Variants in STK32B observed in about 807,000 individuals in gnomAD.
STK32B encodes the protein serine/threonine-protein kinase 32B.
A neutral mutation model predicts 52.6 loss-of-function variants in STK32B; 43 were observed. The observed-to-expected ratio is 0.82, with a 90% CI of 0.64 to 1.05. The LOEUF (loss-of-function observed/expected upper bound fraction) is 1.05. Ranked by LOEUF, STK32B falls within the 50% of genes least tolerant of loss-of-function variation. The pLI is 0.00. For missense variants in STK32B, 621 were observed against 534.6 expected (o/e 1.16, Z -1.59); for synonymous variants, 238 against 204.3 (o/e 1.17, Z -1.41).
chr4:5,143,396 T>G (rs1295206431), intron 2 of STK32B, among the ~76,000 whole-genome samples: 1 of 152,182 alleles, frequency 6.6e-6, no homozygotes, highest in African/African-American at 2.4e-5. Flanking sequence ...CAGGTGCCAC[T>G]TTGGATCCTG....
chr4:5,336,437 G>A (rs950987828), intron 4 of STK32B, among the ~76,000 whole-genome samples: 3 of 151,944 alleles, frequency 2.0e-5, no homozygotes, highest in African/African-American at 4.8e-5. Flanking sequence ...TCCGAGCAAC[G>A]AAATAGAAAA....
chr4:5,203,052 C>T (rs984175520), intron 3 of STK32B, among the ~76,000 whole-genome samples: 1 of 152,222 alleles, frequency 6.6e-6, no homozygotes, highest in East Asian at 1.9e-4. Flanking sequence ...AGCTCTTCAT[C>T]TTGGAAGCTT....
chr4:5,386,031 C>G lies in STK32B; in HGVS notation c.435-12176C>G, dbSNP rs1298039352. On this transcript the variant is annotated intron_variant, in intron 4 of 11. Coordinates refer to ENST00000282908, the MANE Select transcript of STK32B (RefSeq NM_018401.3). This position sits in a 1 kb window ranked among gnomAD's most constrained non-coding sequence, Gnocchi z 4.5. ...CCCACGGCTCCACTCACAGCCCCTA[C>G]CCAGAGCCCCCACCCACACCCACAG... 7.5e-6 allele frequency among the ~76,000 whole-genome samples: 1 copy of G among 132,572 alleles called. No individual in the cohort carries two copies. The highest frequency in any genetic ancestry group is 2.8e-5 in the African/African-American group (1 of 35,998). 87.0% of individuals were successfully genotyped at this position (132,572 alleles called of 152,430 possible).
intron 7 of STK32B, among the ~76,000 whole-genome samples, chr4:5,451,375 G>C (rs1013415765): frequency 6.6e-6 from 1 of 152,198 alleles, no homozygotes; most frequent in Non-Finnish European, 1.5e-5. Context: ...AGGATAGTGA[G>C]GGGACAGTCT....
At chr4:5,423,176 C>A (rs142466118) in intron 6 of STK32B, among the ~76,000 whole-genome samples, 147 of 152,126 alleles carry the variant, frequency 9.7e-4, no homozygotes, top group African/African-American at 3.5e-3. Flanking sequence ...TTGGAGAAAC[C>A]GATGAGTAAC....
intron 3 of STK32B, among the ~76,000 whole-genome samples, chr4:5,179,301 T>A (rs1306609986): frequency 6.6e-6 from 1 of 152,170 alleles, no homozygotes; most frequent in Non-Finnish European, 1.5e-5. Flanking sequence ...TACATCCCAC[T>A]GGGTTCCTCC....
chr4:5,474,161 T>G (rs541179527), intron 11 of STK32B, among the ~76,000 whole-genome samples: 1 of 152,220 alleles, frequency 6.6e-6, no homozygotes, highest in Non-Finnish European at 1.5e-5. Flanking sequence ...TCTGCTTAGG[T>G]GGCCTCCCTG....
chr4:5,350,587 C>T (rs1577381792), intron 4 of STK32B, among the ~76,000 whole-genome samples: 1 of 151,992 alleles, frequency 6.6e-6, no homozygotes, highest in African/African-American at 2.4e-5. Context: ...AAAGGATATA[C>T]AAAATAACTA....
At chr4:5,125,096 C>G (rs1328313031) in intron 1 of STK32B, among the ~76,000 whole-genome samples, 1 of 152,158 alleles carries the variant, frequency 6.6e-6, no homozygotes, top group Non-Finnish European at 1.5e-5. Flanking sequence ...AGCAAAGACA[C>G]AGGGACCTTA....
intron 2 of STK32B, among the ~76,000 whole-genome samples, chr4:5,155,038 A>G (rs948490291): frequency 6.6e-6 from 1 of 152,152 alleles, no homozygotes; most frequent in Non-Finnish European, 1.5e-5. Flanking sequence ...CTTCCTGCTC[A>G]TTCTGTTCCA....
chr4:5,315,744 G>A (rs1443002504), intron 3 of STK32B, among the ~76,000 whole-genome samples: 1 of 147,994 alleles, frequency 6.8e-6, no homozygotes, highest in Non-Finnish European at 1.5e-5. Flanking sequence ...AGACTCCAGT[G>A]CCCAGGCTGG....
intron 4 of STK32B, among the ~76,000 whole-genome samples, chr4:5,338,598 A>C (rs918408878): frequency 6.6e-6 from 1 of 152,222 alleles, no homozygotes; most frequent in Admixed American, 6.5e-5. Context: ...CATTGGTGAG[A>C]TAAATGCCGA....
intron 1 of STK32B, among the ~76,000 whole-genome samples, chr4:5,088,198 C>G (rs1712843339): frequency 6.6e-6 from 1 of 152,028 alleles, no homozygotes; most frequent in Non-Finnish European, 1.5e-5. Flanking sequence ...ATAACCAAAA[C>G]TAGAAAATAG....
intron 3 of STK32B, among the ~76,000 whole-genome samples, chr4:5,267,969 T>G (rs1357254716): frequency 6.6e-6 from 1 of 152,140 alleles, no homozygotes; most frequent in Non-Finnish European, 1.5e-5. Flanking sequence ...CCAGCGATGC[T>G]TGGGGCATGC....
At chr4:5,095,330 A>T (rs1713323583) in intron 1 of STK32B, among the ~76,000 whole-genome samples, 1 of 152,130 alleles carries the variant, frequency 6.6e-6, no homozygotes, top group Non-Finnish European at 1.5e-5. Flanking sequence ...AATGTAACGG[A>T]GAGGCCAGGT....
At position 5,500,169 on chromosome 4, in the gene STK32B, A is replaced by G. The variant is rs1051237399; in HGVS notation, c.*1086A>G. On this transcript the variant is annotated 3_prime_UTR_variant, in exon 12 of 12. Transcript: ENST00000282908. The stretch of plus-strand genomic sequence containing the variant: ...ATGTTGGGATGAGCAGGGAAAGCTT[A>G]GACTTTGGAGTCAGGTTTGTGTTCA... 1 of 152,226 alleles carries G rather than the reference A, an allele frequency of 6.6e-6. No individual in the cohort carries two copies. The highest frequency in any genetic ancestry group is 2.4e-5 in the African/African-American group (1 of 41,452). 9.4% of individuals were successfully genotyped at this position (152,226 alleles called of 1,614,324 possible).
At chr4:5,200,035 A>G (rs1722007483) in intron 3 of STK32B, among the ~76,000 whole-genome samples, 1 of 152,156 alleles carries the variant, frequency 6.6e-6, no homozygotes, top group Non-Finnish European at 1.5e-5. Flanking sequence ...CAAAGGCCCC[A>G]CCACAGGCAG....
chr4:5,028,409 A>G, the STK32B span, among the ~76,000 whole-genome samples: 1 of 152,194 alleles, frequency 6.6e-6, no homozygotes, highest in East Asian at 1.9e-4. Flanking sequence ...CCAGGCCAGG[A>G]TTGAGTTTCC....
intron 3 of STK32B, among the ~76,000 whole-genome samples, chr4:5,290,349 A>G (rs1465959715): frequency 6.6e-6 from 1 of 152,198 alleles, no homozygotes; most frequent in African/African-American, 2.4e-5. Context: ...ACAGCTAAAC[A>G]AAAATGTTTT....
Sources: allele counts gnomAD v4.1 joint callset (sites outside exome capture counted in the v4.1 genomes callset), GRCh38; gene constraint gnomAD v4.1.1; non-coding constraint Gnocchi (gnomAD v3.1); transcripts MANE v1.5; gene names NCBI Gene and HGNC (gene_info 2026-07-23, HGNC 2026-07-21).